The following KCTD9 variants were observed in gnomAD, a reference collection of about 807,000 sequenced individuals.
KCTD9 encodes the protein potassium channel tetramerization domain containing 9.
A neutral mutation model predicts 53.3 loss-of-function variants in KCTD9; 17 were observed. The ratio of observed to expected loss-of-function variants is 0.32; its 90% CI spans 0.22 to 0.48. The LOEUF is 0.48. KCTD9 is among the 20% of genes least tolerant of loss of function. The pLI is 0.99. For missense variants in KCTD9, 179 were observed against 465.5 expected, an observed-to-expected ratio of 0.38 and a Z score of 5.66; for synonymous variants, 128 against 162.7, an observed-to-expected ratio of 0.79 and a Z score of 1.62.
At chr8:25,452,599 T>A (rs1422208758) in intron 1 of KCTD9, among the ~76,000 whole-genome samples, 1 of 152,158 alleles carries the variant, frequency 6.6e-6, no homozygotes, top group African/African-American at 2.4e-5. Flanking sequence ...CAAGTCCTCC[T>A]CCTCCTCCAA....
intron 6 of KCTD9, among the ~76,000 whole-genome samples, 163 bp downstream of exon 6, chr8:25,439,116 T>C (rs186247422): frequency 4.0e-4 from 61 of 152,308 alleles, no homozygotes; most frequent in Non-Finnish European, 4.0e-4. Flanking sequence ...TCTACACCTA[T>C]ATCACTCATA....
chr8:25,440,591 G>A lies in KCTD9; in HGVS notation c.297C>T (p.Tyr99=). 6.2e-7 allele frequency: 1 copy of A among 1,607,148 alleles called. No homozygotes were observed. Among genetic ancestry groups the A allele is most frequent in the Non-Finnish European group, 8.5e-7 (1 of 1,173,950 alleles). Residue 99 remains tyrosine, a synonymous_variant, in exon 4 of 12, where the codon TAC becomes TAT. Transcript: ENST00000221200. ...CACACACCTACCGTGTAGTTGTAAA[G>A]TACCGCCCTCCAACATTTAATGTCA... The part of the protein sequence containing the change: ...DWLTLNVGGR[Y]FTTTRSTLVN...
At chr8:25,456,990 G>A (rs1228117065) in intron 1 of KCTD9, among the ~76,000 whole-genome samples, 2 of 152,176 alleles carry the variant, frequency 1.3e-5, no homozygotes, top group African/African-American at 4.8e-5. Flanking sequence ...AAAGTTAATA[G>A]TGATGAGAAA....
chr8:25,450,531 T>C (rs539172016), intron 1 of KCTD9: 7 of 861,198 alleles, frequency 8.1e-6, no homozygotes, highest in Non-Finnish European at 9.8e-6. Context: ...TCTAAAGCAG[T>C]CTGGGCATGG....
intron 3 of KCTD9, among the ~76,000 whole-genome samples, chr8:25,441,711 GAA>G (rs1802125928): frequency 6.6e-6 from 1 of 152,104 alleles, no homozygotes; most frequent in Non-Finnish European, 1.5e-5. Context: ...AAATTAAAAA[GAA>G]ATGGTCAGAC....
At position 25,458,216 on chromosome 8, in the gene KCTD9, T is replaced by A; in HGVS notation, c.31A>T (p.Ser11Cys). MRRVTLFLNG[S>C]PKNGKVVAVY... ...CCCGTTACCTTTCCGTTCTTGGGGCTGCCGTTCAGGAACAGGGTCACCCGC... is the reference window on the plus strand; with the variant it reads ...CCCGTTACCTTTCCGTTCTTGGGGCAGCCGTTCAGGAACAGGGTCACCCGC... The change falls in exon 1 of 12, where the codon AGC becomes TGC. Residue 11 changes from serine (S) to cysteine (C), a missense_variant. This residue lies in a region of KCTD9 where 115 missense variants were observed against 250.9 expected (regional missense o/e 0.46). Coordinates refer to ENST00000221200, the MANE Select transcript of KCTD9 (RefSeq NM_017634.4). 1 of 1,494,356 alleles carries A rather than the reference T, an allele frequency of 6.7e-7. No homozygotes were observed. Among genetic ancestry groups the A allele is most frequent in the Non-Finnish European group, 9.0e-7 (1 of 1,111,170 alleles). The allele number at this position is 1,494,356 out of a possible 1,614,324, so 92.6% of individuals were successfully genotyped here. A position where few individuals can be genotyped will look rare whatever the true frequency, so the allele number is the denominator to read the frequency against.
chr8:25,443,416 AAATGCAG>A (rs1217149608), intron 3 of KCTD9, among the ~76,000 whole-genome samples: 5 of 152,222 alleles, frequency 3.3e-5, no homozygotes, highest in African/African-American at 1.2e-4. Context: ...GAACATCAAT[AAATGCAG>A]AGGATGAAAA....
At chr8:25,444,411 A>G (rs1802177962) in intron 2 of KCTD9, 76 bp from the exon 3 acceptor site, 2 of 1,318,050 alleles carry the variant, frequency 1.5e-6, no homozygotes, top group Admixed American at 2.0e-5. Flanking sequence ...TATAGGAACT[A>G]TTCCTTACAA....
chr8:25,433,896 T>C (rs907348112), intron 9 of KCTD9, among the ~76,000 whole-genome samples: 1 of 152,162 alleles, frequency 6.6e-6, no homozygotes, highest in Non-Finnish European at 1.5e-5. Flanking sequence ...TCTAAGATGC[T>C]ACTACTGCCC....
intron 1 of KCTD9, among the ~76,000 whole-genome samples, chr8:25,454,333 G>A (rs1802388998): frequency 6.6e-6 from 1 of 151,942 alleles, no homozygotes; most frequent in South Asian, 2.1e-4. Flanking sequence ...TTTACTAAGT[G>A]TTCACTGAAT....
intron 11 of KCTD9, 22 bp downstream of exon 11, chr8:25,432,482 C>CT (rs1801949131): frequency 1.2e-6 from 2 of 1,603,836 alleles, no homozygotes; most frequent in Non-Finnish European, 1.7e-6. Context: ...AATAAAAATT[C>CT]TTAAAGTGTT....
chr8:25,440,195 AC>A (rs1461728450), intron 4 of KCTD9, among the ~76,000 whole-genome samples: 5 of 150,248 alleles, frequency 3.3e-5, no homozygotes, highest in African/African-American at 1.2e-4. Flanking sequence ...AGTAGCTGGG[AC>A]TACAGGCGCC....
rs757603030 is a variant in KCTD9 at position 25,429,976 on chromosome 8, G to A, written c.1054-3C>T. 6.7e-7 allele frequency: 1 copy of A among 1,492,496 alleles called. No homozygotes were observed. Among genetic ancestry groups the A allele is most frequent in the Non-Finnish European group, 9.3e-7 (1 of 1,069,930 alleles). The allele number at this position is 1,492,496 out of a possible 1,614,324, so 92.5% of individuals were successfully genotyped here. On this transcript the variant is annotated splice_region_variant and splice_polypyrimidine_tract_variant and intron_variant, in intron 11 of 11. Transcript: ENST00000221200. ...TCACACCCAGACAGATCACAATTCT[G>A]CAAGATGAAAACAATATTCATGTAA... is the stretch of plus-strand genomic sequence containing the variant.
At chr8:25,456,487 T>G (rs1029847958) in intron 1 of KCTD9, among the ~76,000 whole-genome samples, 4 of 152,230 alleles carry the variant, frequency 2.6e-5, no homozygotes, top group African/African-American at 4.8e-5. Flanking sequence ...CGTCTTAGAA[T>G]ATGTTCATCA....
chr8:25,435,589 C>G, intron 8 of KCTD9, 77 bp from the exon 9 acceptor site: 2 of 1,366,902 alleles, frequency 1.5e-6, no homozygotes, highest in South Asian at 3.1e-5. Flanking sequence ...TAGCTAACCA[C>G]CAAGTTTTTT....
intron 1 of KCTD9, among the ~76,000 whole-genome samples, chr8:25,450,878 T>C (rs1267503857): frequency 2.0e-5 from 3 of 152,220 alleles, no homozygotes; most frequent in Non-Finnish European, 4.4e-5. Flanking sequence ...TTTTAATTTA[T>C]TTTAAGGTCT....
intron 1 of KCTD9, among the ~76,000 whole-genome samples, chr8:25,446,933 C>A (rs1015381401): frequency 1.3e-5 from 2 of 152,270 alleles, no homozygotes; most frequent in Admixed American, 1.3e-4. Flanking sequence ...GTGAATCAAG[C>A]AGTCTGATAT....
intron 6 of KCTD9, among the ~76,000 whole-genome samples, chr8:25,438,004 A>T (rs1359785081): frequency 6.6e-6 from 1 of 152,152 alleles, no homozygotes; most frequent in African/African-American, 2.4e-5. Flanking sequence ...GTTTGGATGG[A>T]AACTGTACTA....
chr8:25,444,625 A>G (rs1489183859), intron 2 of KCTD9, among the ~76,000 whole-genome samples: 1 of 152,184 alleles, frequency 6.6e-6, no homozygotes. Context: ...ATTGAGAATG[A>G]ATAATTATGC....
Sources: gnomAD v4.1 joint callset for allele counts (sites outside exome capture counted in the v4.1 genomes callset) on GRCh38, gnomAD v4.1.1 for gene constraint, gnomAD v4.1.1 regional missense constraint, MANE v1.5 for transcripts, NCBI Gene and HGNC (gene_info 2026-07-23, HGNC 2026-07-21) for gene names.